Variants in NUDT19 observed in about 807,000 individuals in gnomAD.
The protein encoded by NUDT19 is acyl-coenzyme A diphosphatase NUDT19.
A neutral mutation model predicts 22.2 loss-of-function variants in NUDT19; 31 were observed. The observed-to-expected ratio is 1.40, with a 90% CI of 1.05 to 1.89. The LOEUF is 1.89. Among genes scored for constraint, NUDT19 ranks in the 40% most tolerant of loss-of-function variants. NUDT19 has a pLI of 0.00. For missense variants in NUDT19, 752 were observed against 514.2 expected (o/e 1.46, Z -4.47); for synonymous variants, 325 against 230.8 (o/e 1.41, Z -3.70).
intron 1 of NUDT19, 37 bp downstream of exon 1, chr19:32,692,711 G>A (rs1968212870): frequency 7.1e-7 from 1 of 1,405,604 alleles, no homozygotes; most frequent in South Asian, 1.5e-5. Context: ...GGACCGCCAG[G>A]ACGTGAGAGG....
intron 2 of NUDT19, among the ~76,000 whole-genome samples, chr19:32,710,977 G>C (rs939459971): frequency 2.0e-5 from 3 of 152,024 alleles, no homozygotes; most frequent in African/African-American, 7.2e-5. Context: ...ACCTGAAGAT[G>C]ATAAGAACAG....
chr19:32,696,184 C>G (rs1477933360), intron 1 of NUDT19, among the ~76,000 whole-genome samples: 1 of 152,158 alleles, frequency 6.6e-6, no homozygotes, highest in Non-Finnish European at 1.5e-5. Context: ...ACTGGTCACT[C>G]AAGGAGTAGT....
rs372046578 is a variant in NUDT19 at position 32,692,221 on chromosome 19, G to A, written c.261G>A (p.Pro87=). The A allele has an allele frequency of 1.8e-5, 29 of 1,583,942 alleles. No homozygotes were observed. The highest frequency in any genetic ancestry group is 2.2e-5 in the Non-Finnish European group (26 of 1,174,018). ...TCTTCGCGCCGCACCACGGGCCGCCGCGCTTCGGCCTGGGCCCGGCGCCAT... is the reference window on the plus strand; with the variant it reads ...TCTTCGCGCCGCACCACGGGCCGCCACGCTTCGGCCTGGGCCCGGCGCCAT... ...LGLFAPHHGP[P]RFGLGPAPFS... The change falls in exon 1 of 3, where the codon CCG becomes CCA. Residue 87 remains proline, a synonymous_variant. Transcript: ENST00000397061.
chr19:32,692,321 G>A lies in NUDT19; in HGVS notation c.361G>A (p.Asp121Asn), dbSNP rs749181505. 1.8e-5 allele frequency: 28 copies of A among 1,592,856 alleles called. No homozygotes were observed. Among genetic ancestry groups the A allele is most frequent in the East Asian group, 1.4e-4 (6 of 44,254 alleles). The change falls in exon 1 of 3, where the codon GAC (aspartate) becomes AAC (asparagine). Residue 121 changes from aspartate (D) to asparagine (N), a missense_variant. Asp to Asn is a conservative substitution (Grantham distance 23). Transcript: ENST00000397061. ...KTDNTGTLPE[D>N]VAFRICAVRE... is the part of the protein sequence containing the mutation. ...CGACAACACTGGGACGCTGCCTGAG[G>A]ACGTAGCCTTCCGCATCTGCGCCGT...
At chr19:32,702,696 T>G (rs1968348580) in intron 1 of NUDT19, among the ~76,000 whole-genome samples, 2 of 152,188 alleles carry the variant, frequency 1.3e-5, no homozygotes, top group South Asian at 4.1e-4. Flanking sequence ...TTAGTTGGAG[T>G]GTTTATTTAA....
intron 2 of NUDT19, among the ~76,000 whole-genome samples, chr19:32,711,393 G>A (rs1280658854): frequency 6.6e-6 from 1 of 152,096 alleles, no homozygotes; most frequent in East Asian, 1.9e-4. Flanking sequence ...AGCCCAAGAG[G>A]TGGAGGTTGC....
chr19:32,701,661 T>C (rs758946897), intron 1 of NUDT19, among the ~76,000 whole-genome samples: 12 of 152,236 alleles, frequency 7.9e-5, no homozygotes, highest in Non-Finnish European at 1.3e-4. Flanking sequence ...TGACTGTATC[T>C]ACATTTAGGA....
rs1338802768 is a variant in NUDT19, at chr19:32,711,956, A to G, written c.1127A>G (p.Ter376TrpextTer3). The part of the protein sequence containing the change: ...KNSVVRKSHL[*>W] Reference sequence around the variant, plus strand: ...TCTGTAGTAAGAAAAAGCCATTTGTAGGGTGCTTAAGCTTGTTTGTAAAAT... The same window carrying G: ...TCTGTAGTAAGAAAAAGCCATTTGTGGGGTGCTTAAGCTTGTTTGTAAAAT... Residue 376 changes from the stop codon to tryptophan (W), a stop_lost, in exon 3 of 3, where the codon TAG becomes TGG. Transcript: ENST00000397061. 9.3e-6 allele frequency: 15 copies of G among 1,605,780 alleles called. No individual in the cohort carries two copies. Among genetic ancestry groups the G allele is most frequent in the Non-Finnish European group, 1.3e-5 (15 of 1,172,730 alleles).
Position 32,713,098 on chromosome 19 carries a change from G to C in NUDT19, c.*1141G>C, listed in dbSNP as rs1300220689. On this transcript the variant is annotated 3_prime_UTR_variant, in exon 3 of 3. Transcript: ENST00000397061. Reference sequence around the variant, plus strand: ...ATACAATTCTTTTTAAAATCAAATGGTATTAGTTATTATGTTTCCCAAATT... The same window carrying C: ...ATACAATTCTTTTTAAAATCAAATGCTATTAGTTATTATGTTTCCCAAATT... 6.6e-6 allele frequency: 1 copy of C among 152,024 alleles called. No individual in the cohort carries two copies. Among genetic ancestry groups the C allele is most frequent in the East Asian group, 1.9e-4 (1 of 5,192 alleles). 9.4% of individuals were successfully genotyped at this position (152,024 alleles called of 1,614,324 possible).
chr19:32,695,457 C>A (rs1031314441), intron 1 of NUDT19, among the ~76,000 whole-genome samples: 1 of 152,216 alleles, frequency 6.6e-6, no homozygotes, highest in South Asian at 2.1e-4. Context: ...GGATTACAGG[C>A]ATGAATTATA....
At chr19:32,705,062 C>T (rs1475507261) in intron 1 of NUDT19, among the ~76,000 whole-genome samples, 4 of 147,020 alleles carry the variant, frequency 2.7e-5, no homozygotes, top group Admixed American at 7.0e-5. Context: ...GCCGAGATCA[C>T]GCCATCGCAC....
chr19:32,699,719 C>G (rs2145360706), intron 1 of NUDT19, among the ~76,000 whole-genome samples: 1 of 152,306 alleles, frequency 6.6e-6, no homozygotes, highest in African/African-American at 2.4e-5. Context: ...TTCGTGGTCA[C>G]CAAAATGTGT....
Position 32,692,540 on chromosome 19 carries a change from C to T in NUDT19, c.580C>T (p.Leu194=). 2.5e-6 allele frequency: 4 copies of T among 1,592,946 alleles called. No homozygotes were observed. The highest frequency in any genetic ancestry group is 3.4e-6 in the Non-Finnish European group (4 of 1,172,082). The change falls in exon 1 of 3, where the codon CTG becomes TTG. Residue 194 remains leucine (L), a synonymous_variant. Coordinates refer to ENST00000397061, the MANE Select transcript of NUDT19 (RefSeq NM_001105570.2). Reference sequence around the variant, plus strand: ...CGACTGCACACCCGACATCTGGGCGCTGCACAACTGGAGCGCCTGGCTCAC... The same window carrying T: ...CGACTGCACACCCGACATCTGGGCGTTGCACAACTGGAGCGCCTGGCTCAC... The part of the protein sequence containing the change: ...HLDCTPDIWA[L]HNWSAWLTPF...
rs1324104776 is a variant in NUDT19, at chr19:32,712,076, A to G, written c.*119A>G. The G allele has an allele frequency of 2.7e-6, 2 of 727,962 alleles. No homozygotes were observed. The highest frequency in any genetic ancestry group is 4.8e-6 in the Non-Finnish European group (2 of 416,364). The allele number at this position is 727,962 out of a possible 1,614,324, so 45.1% of individuals were successfully genotyped here. A position where few individuals can be genotyped will look rare whatever the true frequency, so the allele number is the denominator to read the frequency against. Reference sequence around the variant, plus strand: ...CCTATAAAAGTTACTGCAATTCAGTATTTCTTTATTTTTTTCGAGACAGAG... The same window carrying G: ...CCTATAAAAGTTACTGCAATTCAGTGTTTCTTTATTTTTTTCGAGACAGAG... On this transcript the variant is annotated 3_prime_UTR_variant, in exon 3 of 3. Transcript: ENST00000397061.
chr19:32,705,303 A>G (rs573802805), intron 1 of NUDT19, among the ~76,000 whole-genome samples: 67 of 151,374 alleles, frequency 4.4e-4, no homozygotes, highest in Admixed American at 1.8e-3. Flanking sequence ...GGGCGCCTAT[A>G]GTTCTAGCTA....
intron 1 of NUDT19, among the ~76,000 whole-genome samples, chr19:32,699,150 C>G (rs1027278232): frequency 1.3e-4 from 20 of 152,092 alleles, no homozygotes; most frequent in Non-Finnish European, 2.9e-5. Flanking sequence ...ATTGGTGAGC[C>G]CGGGTGTCTA....
At chr19:32,707,370 A>T (rs1968397551) in intron 1 of NUDT19, among the ~76,000 whole-genome samples, 1 of 152,122 alleles carries the variant, frequency 6.6e-6, no homozygotes, top group African/African-American at 2.4e-5. Context: ...TGGACACCAT[A>T]CCAGGGCCCT....
rs1568431051 is a variant in NUDT19, at chr19:32,692,600, A to AG, written c.640_641insG (p.Thr214SerfsTer34). ...GCGGGGCACCACTCGCCGCTTTGAC[A>AG]CGGCCTTCTTCCTGTGCTGCCTGCG... On this transcript the variant is annotated frameshift_variant, in exon 1 of 3. Transcript: ENST00000397061. LOFTEE classifies it high-confidence loss of function. 2 of 1,576,922 alleles carry AG rather than the reference A, an allele frequency of 1.3e-6. No homozygotes were observed. Among genetic ancestry groups the AG allele is most frequent in the South Asian group, 2.3e-5 (2 of 86,248 alleles).
intron 1 of NUDT19, among the ~76,000 whole-genome samples, chr19:32,697,108 A>G (rs1968273022): frequency 6.6e-6 from 1 of 152,146 alleles, no homozygotes; most frequent in Non-Finnish European, 1.5e-5. Flanking sequence ...AAGCCCTACC[A>G]GGTGATTGGC....
Sources: allele counts gnomAD v4.1 joint callset (sites outside exome capture counted in the v4.1 genomes callset), GRCh38; gene constraint gnomAD v4.1.1; transcripts MANE v1.5; gene names NCBI Gene and HGNC (gene_info 2026-07-23, HGNC 2026-07-21).